The following PLEKHA5 variants were observed in gnomAD, a reference collection of about 807,000 sequenced individuals.
PLEKHA5 encodes pleckstrin homology domain containing A5.
PLEKHA5 carries 55 observed loss-of-function variants against 181.9 expected under a neutral mutation model. The ratio of observed to expected loss-of-function variants is 0.30; its 90% CI spans 0.24 to 0.38. The LOEUF is 0.38. Ranked by LOEUF, PLEKHA5 falls within the 10% of genes least tolerant of loss-of-function variation. The probability of loss-of-function intolerance (pLI) is 1.00; values close to 1 mark genes in which losing one functional copy is unlikely to be tolerated. For missense variants in PLEKHA5, 1,432 were observed against 1,549.5 expected, an observed-to-expected ratio of 0.92 and a Z score of 1.27; for synonymous variants, 535 against 529.4, an observed-to-expected ratio of 1.01 and a Z score of -0.15.
At chr12:19,343,988 G>A (rs1170941919) in intron 22 of PLEKHA5, among the ~76,000 whole-genome samples, 1 of 151,594 alleles carries the variant, frequency 6.6e-6, no homozygotes, top group Non-Finnish European at 1.5e-5. Flanking sequence ...GGAGGTGGAG[G>A]TTGCAGTGAG....
At chr12:19,225,101 G>A (rs2059510154) in intron 3 of PLEKHA5, among the ~76,000 whole-genome samples, 1 of 152,174 alleles carries the variant, frequency 6.6e-6, no homozygotes, top group Admixed American at 6.5e-5. Context: ...CCAGTGGAAA[G>A]GGTTTTTGCA....
intron 15 of PLEKHA5, chr12:19,306,282 A>G (rs533775838): frequency 2.0e-4 from 69 of 350,690 alleles, no homozygotes; most frequent in African/African-American, 1.4e-3. Context: ...ATGTTTTCTT[A>G]TTTACAGCTA....
At chr12:19,346,937 A>T in intron 23 of PLEKHA5, 57 bp from the exon 24 acceptor site, 1 of 1,118,770 alleles carries the variant, frequency 8.9e-7, no homozygotes, top group Non-Finnish European at 1.2e-6. Context: ...CAAAGAATTT[A>T]GATATGCTTA....
intron 16 of PLEKHA5, among the ~76,000 whole-genome samples, chr12:19,316,671 A>C (rs2088888635): frequency 6.6e-6 from 1 of 152,188 alleles, no homozygotes; most frequent in Non-Finnish European, 1.5e-5. Flanking sequence ...GGGAGTCTTC[A>C]GACTGTCTTA....
At chr12:19,332,651 A>G (rs1344696584) in intron 20 of PLEKHA5, among the ~76,000 whole-genome samples, 1 of 152,080 alleles carries the variant, frequency 6.6e-6, no homozygotes, top group Admixed American at 6.6e-5. Context: ...CATTTAAACT[A>G]TAGGTGAGTT....
chr12:19,269,505 A>G (rs1452819515), intron 8 of PLEKHA5, among the ~76,000 whole-genome samples: 1 of 67,790 alleles, frequency 1.5e-5, no homozygotes, highest in Non-Finnish European at 3.9e-5. Flanking sequence ...CTTTCCATGC[A>G]CTCTTTTTTT....
rs1383632859 is a variant in PLEKHA5 at position 19,283,396 on chromosome 12, G to C, written c.1430G>C (p.Ser477Thr). The change falls in exon 12 of 32, where the codon AGT becomes ACT. Residue 477 changes from serine (S) to threonine (T), a missense_variant. Ser to Thr is a moderately conservative substitution (Grantham distance 58). This residue lies in a region of PLEKHA5 where 1,143 missense variants were observed against 1,168.4 expected (regional missense o/e 0.98). Coordinates refer to ENST00000429027, the MANE Select transcript of PLEKHA5 (RefSeq NM_001256470.2). Reference protein sequence around the residue: ...LPRNSKTRPESICSVTPSTHD... With the variant: ...LPRNSKTRPETICSVTPSTHD... ...AGAAACAGCAAGACAAGGCCTGAAA[G>C]TATCTGCAGTGTAACCCCTTCCACT... is the stretch of plus-strand genomic sequence containing the variant. 8.1e-6 allele frequency: 13 copies of C among 1,614,052 alleles called. No individual in the cohort carries two copies. The highest frequency in any genetic ancestry group is 1.1e-5 in the South Asian group (1 of 91,084).
intron 3 of PLEKHA5, among the ~76,000 whole-genome samples, chr12:19,207,067 C>T (rs2055721966): frequency 1.3e-5 from 2 of 152,044 alleles, no homozygotes; most frequent in South Asian, 4.2e-4. Flanking sequence ...TAAAATATTT[C>T]AAGTGTATAA....
intron 31 of PLEKHA5, chr12:19,372,119 G>C (rs569577046): frequency 1.3e-5 from 2 of 152,194 alleles, no homozygotes; most frequent in Admixed American, 1.3e-4. Context: ...TCCTGCCTCA[G>C]CCTCCCCCGT....
intron 3 of PLEKHA5, among the ~76,000 whole-genome samples, chr12:19,194,314 T>C (rs766391400): frequency 6.6e-6 from 1 of 152,234 alleles, no homozygotes; most frequent in Non-Finnish European, 1.5e-5. Context: ...TTCCACTGTG[T>C]ATATGCACAT....
At chr12:19,183,127 A>G (rs2048991012) in intron 3 of PLEKHA5, among the ~76,000 whole-genome samples, 1 of 152,250 alleles carries the variant, frequency 6.6e-6, no homozygotes, top group South Asian at 2.1e-4. Flanking sequence ...GGAAACAGCA[A>G]GGATGAATTC....
chr12:19,141,991 A>T (rs2037479800), intron 3 of PLEKHA5, among the ~76,000 whole-genome samples: 1 of 152,078 alleles, frequency 6.6e-6, no homozygotes, highest in Non-Finnish European at 1.5e-5. Context: ...GTTTCTTTGG[A>T]TAGACATGCT....
At chr12:19,171,420 AG>A (rs2045863605) in intron 3 of PLEKHA5, among the ~76,000 whole-genome samples, 2 of 152,192 alleles carry the variant, frequency 1.3e-5, no homozygotes, top group Non-Finnish European at 2.9e-5. Flanking sequence ...AGCTTAAGAA[AG>A]CTTGATTTAG....
chr12:19,271,196 G>A (rs1211981690), intron 10 of PLEKHA5, among the ~76,000 whole-genome samples: 5 of 152,184 alleles, frequency 3.3e-5, no homozygotes, highest in Admixed American at 6.5e-5. Flanking sequence ...GAGAGAAAAT[G>A]TGTAGGTGAA....
intron 16 of PLEKHA5, among the ~76,000 whole-genome samples, chr12:19,317,250 C>G (rs556959174): frequency 3.3e-5 from 5 of 152,170 alleles, no homozygotes; most frequent in African/African-American, 1.2e-4. Flanking sequence ...ACCTATAGTC[C>G]TAGCTACTCA....
At chr12:19,208,658 C>T (rs1359432835) in intron 3 of PLEKHA5, among the ~76,000 whole-genome samples, 1 of 152,080 alleles carries the variant, frequency 6.6e-6, no homozygotes, top group East Asian at 1.9e-4. Context: ...TTTGCTGTAA[C>T]CTAATGACTA....
intron 7 of PLEKHA5, among the ~76,000 whole-genome samples, chr12:19,263,394 C>T (rs766296949): frequency 6.6e-6 from 1 of 152,162 alleles, no homozygotes; most frequent in Non-Finnish European, 1.5e-5. Flanking sequence ...AGAGCTGACA[C>T]TGTTAGTTTC....
chr12:19,324,840 T>C (rs1427168280), intron 20 of PLEKHA5, among the ~76,000 whole-genome samples: 2 of 152,072 alleles, frequency 1.3e-5, no homozygotes, highest in Non-Finnish European at 2.9e-5. Context: ...GAAAATGGGG[T>C]TAAACTGTCA....
At chr12:19,366,799 G>A (rs1016720558) in intron 30 of PLEKHA5, among the ~76,000 whole-genome samples, 1 of 152,144 alleles carries the variant, frequency 6.6e-6, no homozygotes, top group African/African-American at 2.4e-5. Context: ...CTCCAGCATT[G>A]CTATAATCCA....
Sources: gnomAD v4.1 joint callset for allele counts (sites outside exome capture counted in the v4.1 genomes callset) on GRCh38, gnomAD v4.1.1 for gene constraint, gnomAD v4.1.1 regional missense constraint, MANE v1.5 for transcripts, NCBI Gene and HGNC (gene_info 2026-07-23, HGNC 2026-07-21) for gene names.